The following TMEM108 variants were observed in gnomAD, a reference collection of about 807,000 sequenced individuals.
The protein encoded by TMEM108 is transmembrane protein 108.
In TMEM108, 12 loss-of-function variants were observed where a neutral mutation model predicts 35.1. The observed-to-expected ratio is 0.34, with a 90% CI of 0.22 to 0.55. The LOEUF is 0.55. TMEM108 is among the 20% of genes least tolerant of loss of function. The pLI, the probability that TMEM108 is intolerant of heterozygous loss-of-function variation, is 0.89. For synonymous variants in TMEM108, 287 were observed against 308.6 expected (o/e 0.93, Z 0.73); for missense variants, 680 against 753.3 (o/e 0.90, Z 1.14).
At chr3:133,086,383 A>C (rs1038913987) in intron 2 of TMEM108, among the ~76,000 whole-genome samples, 1 of 152,126 alleles carries the variant, frequency 6.6e-6, no homozygotes, top group Admixed American at 6.5e-5. Context: ...TGTTTACACT[A>C]TAAATAAGGG....
In TMEM108 at chr3:133,346,682, G is replaced by A. The variant is rs2071826972; in HGVS notation, c.41-33070G>A. Among the ~76,000 whole-genome samples the A allele has an allele frequency of 6.6e-6, 1 of 151,664 alleles. No homozygotes were observed. Among genetic ancestry groups the A allele is most frequent in the Non-Finnish European group, 1.5e-5 (1 of 67,852 alleles). On this transcript the variant is annotated intron_variant, in intron 3 of 5. Transcript: ENST00000321871. The surrounding 1 kb of genome is among the most constrained non-coding windows in gnomAD (Gnocchi z 4.0). ...AGCTTATCATTTTTTTCTTTCATAG[G>A]CTTTGCTTTTTGTGTTGTATCTAAA...
At chr3:133,276,036 T>C (rs1946834271) in intron 3 of TMEM108, among the ~76,000 whole-genome samples, 1 of 152,154 alleles carries the variant, frequency 6.6e-6, no homozygotes, top group Non-Finnish European at 1.5e-5. Flanking sequence ...CTCTTAGTAG[T>C]GGTAATTGTC....
At chr3:133,084,132 AAC>A (rs1158380821) in intron 2 of TMEM108, among the ~76,000 whole-genome samples, 5 of 152,130 alleles carry the variant, frequency 3.3e-5, no homozygotes, top group African/African-American at 9.7e-5. Flanking sequence ...TAAAAAAAAA[AAC>A]AGTGATTAGG....
rs190597954 is a variant in TMEM108, at chr3:133,360,412, G to A, written c.41-19340G>A. Among the ~76,000 whole-genome samples, 5 of 152,284 alleles carry A rather than the reference G, an allele frequency of 3.3e-5. No individual in the cohort carries two copies. The East Asian group carries it at 9.6e-4, about 29-fold the overall frequency. On this transcript the variant is annotated intron_variant, in intron 3 of 5. Coordinates refer to ENST00000321871, the MANE Select transcript of TMEM108 (RefSeq NM_023943.4). ...TCTCTTAAAAGGGAACAATGAAGGA[G>A]TAAGGGATATTCAATAATTTTAAAA...
chr3:133,167,537 G>C (rs578171812), intron 2 of TMEM108, among the ~76,000 whole-genome samples: 2 of 152,378 alleles, frequency 1.3e-5, no homozygotes. Context: ...GCCCTGCCCC[G>C]CGGGGAGGCG....
At chr3:133,082,258 A>G (rs1351227524) in intron 2 of TMEM108, among the ~76,000 whole-genome samples, 2 of 152,202 alleles carry the variant, frequency 1.3e-5, no homozygotes, top group Non-Finnish European at 2.9e-5. Context: ...AATAAATGCT[A>G]ATCAGATATT....
At chr3:133,302,734 T>A (rs1396606118) in intron 3 of TMEM108, among the ~76,000 whole-genome samples, 1 of 152,092 alleles carries the variant, frequency 6.6e-6, no homozygotes, top group Non-Finnish European at 1.5e-5. Context: ...TCTCTTGAAT[T>A]TTCTATTCTA....
intron 2 of TMEM108, among the ~76,000 whole-genome samples, chr3:133,068,650 G>T (rs1006251742): frequency 6.6e-6 from 1 of 152,128 alleles, no homozygotes; most frequent in Non-Finnish European, 1.5e-5. Context: ...GTGAAGATTG[G>T]ATTGAGGATC....
chr3:133,267,622 G>A (rs1946717480), intron 3 of TMEM108, among the ~76,000 whole-genome samples: 1 of 152,240 alleles, frequency 6.6e-6, no homozygotes, highest in Admixed American at 6.5e-5. Context: ...ATTCAGGAGT[G>A]GCTTAACTGG....
chr3:133,176,159 C>A (rs1381805009), intron 2 of TMEM108, among the ~76,000 whole-genome samples: 1 of 152,194 alleles, frequency 6.6e-6, no homozygotes, highest in Non-Finnish European at 1.5e-5. Context: ...CAGGAGCACC[C>A]AGATTCATAA....
At chr3:133,264,535 T>G (rs1946670586) in intron 3 of TMEM108, among the ~76,000 whole-genome samples, 1 of 152,164 alleles carries the variant, frequency 6.6e-6, no homozygotes, top group Non-Finnish European at 1.5e-5. Context: ...GTAACACCGT[T>G]TTGTAGCAAA....
chr3:133,375,338 T>C (rs768450631), intron 3 of TMEM108, among the ~76,000 whole-genome samples: 4 of 152,212 alleles, frequency 2.6e-5, no homozygotes, highest in Non-Finnish European at 5.9e-5. Context: ...CCCATCAATA[T>C]GTAGATTCCA....
chr3:133,166,535 T>C (rs911615582), intron 2 of TMEM108, among the ~76,000 whole-genome samples: 2 of 152,150 alleles, frequency 1.3e-5, no homozygotes, highest in Non-Finnish European at 2.9e-5. Context: ...GTTTCTTCCT[T>C]CTGGTGGGTT....
intron 3 of TMEM108, among the ~76,000 whole-genome samples, chr3:133,341,649 C>T (rs2071664654): frequency 1.3e-5 from 2 of 151,690 alleles, no homozygotes; most frequent in African/African-American, 4.8e-5. Context: ...TACTATGGAG[C>T]TATAATAACC....
In TMEM108 at chr3:133,217,460, G is replaced by A. The variant is rs1945926246; in HGVS notation, c.-46-11806G>A. ...ATCTGATTTGTTTATTTTTGCTTTT[G>A]TTGCTTGTGCTTTGGGGTCATATCC... On this transcript the variant is annotated intron_variant, in intron 2 of 5. Transcript: ENST00000321871. 2.0e-5 allele frequency among the ~76,000 whole-genome samples: 3 copies of A among 151,906 alleles called. No individual in the cohort carries two copies. The South Asian group carries it at 6.2e-4, about 32-fold the overall frequency.
At chr3:133,359,025 C>T (rs576986315) in intron 3 of TMEM108, among the ~76,000 whole-genome samples, 7 of 152,274 alleles carry the variant, frequency 4.6e-5, no homozygotes, top group African/African-American at 1.7e-4. Context: ...CAGCCACACC[C>T]GTTCATTTAC....
intron 3 of TMEM108, among the ~76,000 whole-genome samples, chr3:133,229,829 C>T (rs4854575): frequency 0.98 from 148,520 of 152,312 alleles, 72,495 homozygotes; most frequent in East Asian, 1. Context: ...TTATGCATAG[C>T]TATACATGGT....
At chr3:133,069,375 G>A (rs953707221) in intron 2 of TMEM108, among the ~76,000 whole-genome samples, 15 of 152,226 alleles carry the variant, frequency 9.9e-5, no homozygotes, top group African/African-American at 3.4e-4. Flanking sequence ...GAAGTAATTA[G>A]ACAAATGCAT....
intron 2 of TMEM108, among the ~76,000 whole-genome samples, chr3:133,115,701 T>A (rs1487583164): frequency 6.6e-6 from 1 of 152,264 alleles, no homozygotes; most frequent in Non-Finnish European, 1.5e-5. Flanking sequence ...GTTTTTTCTT[T>A]CTTACAGATT....
Sources: gnomAD v4.1 joint callset for allele counts (sites outside exome capture counted in the v4.1 genomes callset) on GRCh38, gnomAD v4.1.1 for gene constraint, Gnocchi (gnomAD v3.1) non-coding constraint, MANE v1.5 for transcripts, NCBI Gene and HGNC (gene_info 2026-07-23, HGNC 2026-07-21) for gene names.